PGA5: variants seen among roughly 807,000 people sequenced by gnomAD.
PGA5 encodes pepsin A-5.
A neutral mutation model predicts 15.9 loss-of-function variants in PGA5; 19 were observed. The ratio of observed to expected loss-of-function variants is 1.19; its 90% CI spans 0.83 to 1.75. The LOEUF is 1.75. PGA5 is among the 40% of genes most tolerant of loss of function. The pLI is 0.00. For synonymous variants in PGA5, 92 were observed against 95.8 expected, an observed-to-expected ratio of 0.96 and a Z score of 0.23; for missense variants, 224 against 246.4, an observed-to-expected ratio of 0.91 and a Z score of 0.61.
intron 6 of PGA5, among the ~76,000 whole-genome samples, chr11:61,248,831 C>T (rs181017450): frequency 6.6e-6 from 1 of 152,120 alleles, no homozygotes; most frequent in Non-Finnish European, 1.5e-5. Context: ...AGCTGGGGGA[C>T]CCACCTGTCC....
chr11:61,249,607 T>C lies in PGA5; in HGVS notation c.774-62T>C, dbSNP rs1854110348. ...AGGAATGTCTGGGCTCACCTCCTGGTTCCTCCTTGGAGAGATGAACCCCTG... is the reference window on the plus strand; with the variant it reads ...AGGAATGTCTGGGCTCACCTCCTGGCTCCTCCTTGGAGAGATGAACCCCTG... On this transcript the variant is annotated intron_variant, in intron 6 of 8. Transcript: ENST00000312403. 11 of 1,613,310 alleles carry C rather than the reference T, an allele frequency of 6.8e-6. No individual in the cohort carries two copies. The Admixed American group carries it at 1.2e-4, about 17-fold the overall frequency.
intron 5 of PGA5, among the ~76,000 whole-genome samples, chr11:61,246,386 A>G (rs996184214): frequency 2.6e-5 from 4 of 151,558 alleles, no homozygotes; most frequent in Non-Finnish European, 4.4e-5. Context: ...CTTGATGTGC[A>G]CAACTCAAAT....
chr11:61,251,271 C>A lies in PGA5; in HGVS notation c.1157C>A (p.Pro386His). The A allele has an allele frequency of 1.2e-6, 2 of 1,611,914 alleles. No individual in the cohort carries two copies. Among genetic ancestry groups the A allele is most frequent in the Non-Finnish European group, 1.7e-6 (2 of 1,179,876 alleles). Residue 386 changes from proline to histidine, a missense_variant, in exon 9 of 9, where the codon CCT (proline) becomes CAT (histidine). Coordinates refer to ENST00000312403, the MANE Select transcript of PGA5 (RefSeq NM_014224.5). ...GCAAACAACCAGGTCGGCCTGGCCC[C>A]TGTGGCTTAAGCCTAAGTCTCTTCA... ...DRANNQVGLAPVA is the reference protein window; with the variant it reads ...DRANNQVGLAHVA
chr11:61,247,438 C>T (rs1854079914), intron 5 of PGA5, among the ~76,000 whole-genome samples: 1 of 151,842 alleles, frequency 6.6e-6, no homozygotes, highest in South Asian at 2.1e-4. Flanking sequence ...CCACCATGCC[C>T]AGCTAATTTT....
chr11:61,246,587 C>A (rs1854067738), intron 5 of PGA5, among the ~76,000 whole-genome samples: 1 of 151,722 alleles, frequency 6.6e-6, no homozygotes, highest in Non-Finnish European at 1.5e-5. Context: ...CATGGCAAAA[C>A]CCTGTCTCTA....
At chr11:61,250,670 G>T (rs961353628) in intron 8 of PGA5, 7 of 462,446 alleles carry the variant, frequency 1.5e-5, no homozygotes, top group African/African-American at 8.0e-5. Flanking sequence ...CAAGGCCTGA[G>T]CAATGGGATG....
chr11:61,246,370 T>C (rs1187432910), intron 5 of PGA5, among the ~76,000 whole-genome samples: 2 of 151,430 alleles, frequency 1.3e-5, no homozygotes, highest in Non-Finnish European at 2.9e-5. Context: ...CCAGCATCTT[T>C]GTCCCCTTGA....
chr11:61,248,694 C>T (rs532705297), intron 6 of PGA5, among the ~76,000 whole-genome samples, 159 bp downstream of exon 6: 1 of 152,118 alleles, frequency 6.6e-6, no homozygotes, highest in Admixed American at 6.5e-5. Flanking sequence ...CCAAAGAGAC[C>T]CCTAGAAAGA....
chr11:61,251,421 G>C lies in PGA5; in HGVS notation c.*140G>C. 1 of 1,430,644 alleles carries C rather than the reference G, an allele frequency of 7.0e-7. No individual in the cohort carries two copies. Among genetic ancestry groups the C allele is most frequent in the Non-Finnish European group, 9.4e-7 (1 of 1,066,896 alleles). 88.6% of individuals were successfully genotyped at this position (1,430,644 alleles called of 1,614,324 possible). A position where few individuals can be genotyped will look rare whatever the true frequency, so the allele number is the denominator to read the frequency against. On this transcript the variant is annotated 3_prime_UTR_variant, in exon 9 of 9. Coordinates refer to ENST00000312403, the MANE Select transcript of PGA5 (RefSeq NM_014224.5). ...TGTTCCCTGTCCTACCAATAACGTA[G>C]AATAAAAACATAACCCACTGAAACA...
chr11:61,251,007 G>A (rs919855646), intron 8 of PGA5, 125 bp from the exon 9 acceptor site: 28 of 1,581,330 alleles, frequency 1.8e-5, no homozygotes, highest in Non-Finnish European at 2.4e-5. Context: ...CCTGGACACT[G>A]AGCCAGGAAG....
chr11:61,247,912 G>A lies in PGA5; in HGVS notation c.657-507G>A, dbSNP rs2134704943. 3.3e-5 allele frequency among the ~76,000 whole-genome samples: 5 copies of A among 152,086 alleles called. No homozygotes were observed. The East Asian group carries it at 7.7e-4, about 24-fold the overall frequency. ...TGTAGGATGTTTGGCAGCATCCCCA[G>A]CCTCTACCCATGAGATGCCGGCAGC... On this transcript the variant is annotated intron_variant, in intron 5 of 8. Transcript: ENST00000312403.
intron 5 of PGA5, 115 bp from the exon 6 acceptor site, chr11:61,248,304 C>G: frequency 6.2e-7 from 1 of 1,611,502 alleles, no homozygotes; most frequent in South Asian, 1.1e-5. Flanking sequence ...TTGGTCACAC[C>G]CCAGGACAGC....
At chr11:61,250,828 T>C (rs1457958645) in intron 8 of PGA5, 3 of 629,858 alleles carry the variant, frequency 4.8e-6, no homozygotes, top group Non-Finnish European at 5.9e-6. Flanking sequence ...GGCAGGGTTT[T>C]TAAACTCCTT....
rs535424429 is a variant in PGA5, at chr11:61,246,311, T to C, written c.656+166T>C. On this transcript the variant is annotated intron_variant, in intron 5 of 8. Coordinates refer to ENST00000312403, the MANE Select transcript of PGA5 (RefSeq NM_014224.5). The stretch of plus-strand genomic sequence containing the variant: ...GGAGAAGTGTGTCTTTGGAGAGTAA[T>C]AGTGCCAAGTCTGTCTCTGACGGGC... Among the ~76,000 whole-genome samples, 121 of 146,532 alleles carry C rather than the reference T, an allele frequency of 8.3e-4. 3 individuals carry two copies. The highest frequency in any genetic ancestry group is 3.0e-3 in the African/African-American group (118 of 38,890).
chr11:61,250,064 C>A (rs1431339586), intron 8 of PGA5, 50 bp downstream of exon 8: 9 of 1,587,926 alleles, frequency 5.7e-6, no homozygotes, highest in Non-Finnish European at 7.7e-6. Context: ...AGAATGTGGA[C>A]ACAGAGTCCC....
chr11:61,249,496 T>G, intron 6 of PGA5, 173 bp from the exon 7 acceptor site: 1 of 1,275,164 alleles, frequency 7.8e-7, no homozygotes, highest in Non-Finnish European at 1.1e-6. Flanking sequence ...TTGGGAAATA[T>G]TTGTAGGGTA....
At chr11:61,248,341 C>T (rs1394711864) in intron 5 of PGA5, 78 bp from the exon 6 acceptor site, 2 of 1,613,814 alleles carry the variant, frequency 1.2e-6, no homozygotes, top group Non-Finnish European at 1.7e-6. Context: ...TCAACGGTCG[C>T]TCTGAGGAGG....
In PGA5 at chr11:61,249,686, A is replaced by G. The variant is rs780911009; in HGVS notation, c.791A>G (p.Glu264Gly). ...ACCCTCAGCATCACCATGAACGGAG[A>G]GACCATCGCCTGTGCTGAGGGCTGC... ...ITVDSITMNG[E>G]TIACAEGCQA... Residue 264 changes from glutamate (E) to glycine (G), a missense_variant, in exon 7 of 9, where the codon GAG becomes GGG. Coordinates refer to ENST00000312403, the MANE Select transcript of PGA5 (RefSeq NM_014224.5). 2.4e-5 allele frequency: 39 copies of G among 1,613,364 alleles called. No homozygotes were observed. The Admixed American group carries it at 6.3e-4, about 26-fold the overall frequency.
chr11:61,246,931 T>C (rs925440914), intron 5 of PGA5, among the ~76,000 whole-genome samples: 9 of 152,032 alleles, frequency 5.9e-5, no homozygotes, highest in Non-Finnish European at 8.8e-5. Context: ...AAAATCTAGG[T>C]TCCATTTGTG....
Sources: allele counts gnomAD v4.1 joint callset (sites outside exome capture counted in the v4.1 genomes callset), GRCh38; gene constraint gnomAD v4.1.1; transcripts MANE v1.5; gene names NCBI Gene and HGNC (gene_info 2026-07-23, HGNC 2026-07-21).